Variants in KHDRBS2 observed in about 807,000 individuals in gnomAD.
KHDRBS2 encodes KH RNA binding domain containing, signal transduction associated 2.
In KHDRBS2, 26 loss-of-function variants were observed where a neutral mutation model predicts 44.3. The ratio of observed to expected loss-of-function variants is 0.59; its 90% CI spans 0.43 to 0.81. The LOEUF is 0.81. KHDRBS2 is among the 40% of genes least tolerant of loss of function. The pLI is 0.00. For synonymous variants in KHDRBS2, 194 were observed against 151.1 expected, an observed-to-expected ratio of 1.28 and a Z score of -2.08; for missense variants, 476 against 433.1, an observed-to-expected ratio of 1.10 and a Z score of -0.88.
the KHDRBS2 span, among the ~76,000 whole-genome samples, chr6:61,657,352 C>A: frequency 6.6e-6 from 1 of 151,928 alleles, no homozygotes; most frequent in Admixed American, 6.6e-5. Flanking sequence ...TGTTTTCATT[C>A]TTTCTTCTTC....
At chr6:61,559,396 G>C in the KHDRBS2 span, among the ~76,000 whole-genome samples, 2 of 151,406 alleles carry the variant, frequency 1.3e-5, no homozygotes, top group East Asian at 3.9e-4. Flanking sequence ...TTTAATTGGA[G>C]AGTTCAGTCT....
chr6:62,000,260 G>A (rs898123751), intron 3 of KHDRBS2, among the ~76,000 whole-genome samples: 1 of 152,078 alleles, frequency 6.6e-6, no homozygotes, highest in African/African-American at 2.4e-5. Flanking sequence ...ATATGCAGAA[G>A]AACTTATACC....
intron 6 of KHDRBS2, among the ~76,000 whole-genome samples, chr6:61,762,113 C>T (rs1029220903): frequency 1.3e-5 from 2 of 152,076 alleles, no homozygotes; most frequent in African/African-American, 4.8e-5. Context: ...TCATACACTT[C>T]AATGACCAGC....
At chr6:61,955,689 CAT>C (rs1351097739) in intron 4 of KHDRBS2, among the ~76,000 whole-genome samples, 43 of 112,992 alleles carry the variant, frequency 3.8e-4, no homozygotes, top group African/African-American at 1.5e-3. Context: ...TGTATGTATA[CAT>C]ATATGTGTAT....
At chr6:61,957,281 T>C (rs922005114) in intron 4 of KHDRBS2, among the ~76,000 whole-genome samples, 3 of 152,096 alleles carry the variant, frequency 2.0e-5, no homozygotes, top group African/African-American at 4.8e-5. Flanking sequence ...GTTTGAACAA[T>C]ATGAAATCTG....
chr6:62,071,052 C>T (rs1213218741), intron 2 of KHDRBS2, among the ~76,000 whole-genome samples: 2 of 152,158 alleles, frequency 1.3e-5, no homozygotes, highest in African/African-American at 4.8e-5. Context: ...GAGATGGTAT[C>T]TCATTGTGGT....
chr6:61,580,003 G>C, the KHDRBS2 span, among the ~76,000 whole-genome samples: 1 of 152,104 alleles, frequency 6.6e-6, no homozygotes, highest in Non-Finnish European at 1.5e-5. Flanking sequence ...GTTGTGGTGA[G>C]CCCAGATCAA....
At chr6:62,055,340 A>G (rs1286332349) in intron 2 of KHDRBS2, among the ~76,000 whole-genome samples, 1 of 152,068 alleles carries the variant, frequency 6.6e-6, no homozygotes, top group Non-Finnish European at 1.5e-5. Flanking sequence ...ATTCAATCGC[A>G]TTATAATTTA....
chr6:61,799,560 A>C (rs1472627616), intron 6 of KHDRBS2, among the ~76,000 whole-genome samples: 3 of 152,036 alleles, frequency 2.0e-5, no homozygotes, highest in Admixed American at 6.6e-5. Flanking sequence ...TTGGAAAATT[A>C]CTTTTCAGTT....
chr6:61,700,724 G>A (rs936661400), intron 7 of KHDRBS2, among the ~76,000 whole-genome samples: 5 of 137,554 alleles, frequency 3.6e-5, no homozygotes, highest in African/African-American at 1.3e-4. Context: ...TCCTGGGCTT[G>A]TGCACATTTA....
intron 6 of KHDRBS2, among the ~76,000 whole-genome samples, chr6:61,837,145 T>G (rs1293542657): frequency 6.6e-6 from 1 of 151,942 alleles, no homozygotes; most frequent in Non-Finnish European, 1.5e-5. Flanking sequence ...CTCTTGTAAC[T>G]TCTAAAAAGC....
At chr6:61,874,054 AT>A (rs2127307483) in intron 6 of KHDRBS2, among the ~76,000 whole-genome samples, 1 of 152,210 alleles carries the variant, frequency 6.6e-6, no homozygotes, top group African/African-American at 2.4e-5. Flanking sequence ...CTTCACATTA[AT>A]AAAAATAGTG....
At chr6:62,128,180 T>C (rs1362971453) in intron 2 of KHDRBS2, among the ~76,000 whole-genome samples, 1 of 152,134 alleles carries the variant, frequency 6.6e-6, no homozygotes, top group East Asian at 1.9e-4. Flanking sequence ...CATGAAATAG[T>C]GAGCAGGACT....
At chr6:62,056,593 A>G (rs188202826) in intron 2 of KHDRBS2, among the ~76,000 whole-genome samples, 2 of 152,162 alleles carry the variant, frequency 1.3e-5, no homozygotes, top group African/African-American at 4.8e-5. Flanking sequence ...AAAGTTAAAC[A>G]TATTATGTTG....
At chr6:61,777,159 G>A (rs775278896) in intron 6 of KHDRBS2, among the ~76,000 whole-genome samples, 11 of 151,974 alleles carry the variant, frequency 7.2e-5, no homozygotes, top group Non-Finnish European at 1.3e-4. Flanking sequence ...AAGGGGGGAC[G>A]GGTAGCATTA....
At chr6:61,863,560 C>G (rs1797333969) in intron 6 of KHDRBS2, among the ~76,000 whole-genome samples, 1 of 152,110 alleles carries the variant, frequency 6.6e-6, no homozygotes, top group Non-Finnish European at 1.5e-5. Flanking sequence ...AAAAGTCATT[C>G]TAGAGCAGGT....
intron 6 of KHDRBS2, among the ~76,000 whole-genome samples, chr6:61,809,489 G>A (rs1787759276): frequency 6.6e-6 from 1 of 152,042 alleles, no homozygotes; most frequent in South Asian, 2.1e-4. Flanking sequence ...TATCAGAACA[G>A]GTCTCTACAA....
At chr6:61,772,736 C>A (rs1781169256) in intron 6 of KHDRBS2, among the ~76,000 whole-genome samples, 1 of 151,956 alleles carries the variant, frequency 6.6e-6, no homozygotes, top group Non-Finnish European at 1.5e-5. Context: ...GTGTGCTGAA[C>A]CCATTAACTC....
At chr6:61,577,142 G>A in the KHDRBS2 span, among the ~76,000 whole-genome samples, 4 of 145,480 alleles carry the variant, frequency 2.7e-5, no homozygotes, top group Non-Finnish European at 6.1e-5. Flanking sequence ...TGTTTTTTTT[G>A]TTTTTTTTTT....
Sources: gnomAD v4.1 joint callset for allele counts (sites outside exome capture counted in the v4.1 genomes callset) on GRCh38, gnomAD v4.1.1 for gene constraint, MANE v1.5 for transcripts, NCBI Gene and HGNC (gene_info 2026-07-23, HGNC 2026-07-21) for gene names.